The following EMC10 variants were observed in gnomAD, a reference collection of about 807,000 sequenced individuals.
EMC10 encodes ER membrane protein complex subunit 10.
EMC10 carries 40 observed loss-of-function variants against 32.2 expected under a neutral mutation model. The observed-to-expected ratio is 1.24, with a 90% CI of 0.96 to 1.61. The LOEUF (loss-of-function observed/expected upper bound fraction) is 1.61, where lower values mean the gene tolerates loss of function less well. Among genes scored for constraint, EMC10 ranks in the 40% most tolerant of loss-of-function variants. The pLI is 0.00. For missense variants in EMC10, 402 were observed against 357.7 expected (o/e 1.12, Z -1.00); for synonymous variants, 178 against 158.4 (o/e 1.12, Z -0.93).
At chr19:50,477,884 A>G (rs2040253548) in intron 1 of EMC10, 45 bp from the exon 2 acceptor site, 1 of 1,531,172 alleles carries the variant, frequency 6.5e-7, no homozygotes, top group Non-Finnish European at 8.9e-7. Flanking sequence ...TACTATGCTG[A>G]GGGCTTGGGT....
At chr19:50,479,682 G>A (rs539832814) in intron 3 of EMC10, among the ~76,000 whole-genome samples, 1 of 152,178 alleles carries the variant, frequency 6.6e-6, no homozygotes, top group Admixed American at 6.5e-5. Context: ...TGGTGGCCAC[G>A]CGGTGAGGTC....
rs1201040282 is a variant in EMC10 at position 50,484,040 on chromosome 19, TTTTTTG to T, written c.*1782_*1787del. 1.4e-5 allele frequency: 2 copies of T among 141,372 alleles called. No individual in the cohort carries two copies. Among genetic ancestry groups the T allele is most frequent in the Non-Finnish European group, 3.1e-5 (2 of 65,392 alleles). 8.8% of individuals were successfully genotyped at this position (141,372 alleles called of 1,614,324 possible). A position where few individuals can be genotyped will look rare whatever the true frequency, so the allele number is the denominator to read the frequency against. On this transcript the variant is annotated 3_prime_UTR_variant, in exon 7 of 7. Coordinates refer to ENST00000334976, the MANE Select transcript of EMC10 (RefSeq NM_206538.4). Reference sequence around the variant, plus strand: ...ATGCTTTTTTTTTTTTTTTTTTTTTTTTTTTGAGGCAGAGTCTCGCTCTGTCATCCA... The same window carrying T: ...ATGCTTTTTTTTTTTTTTTTTTTTTTAGGCAGAGTCTCGCTCTGTCATCCA...
rs901828969 is a variant in EMC10 at position 50,480,421 on chromosome 19, TC to T, written c.403-157del. 3.3e-5 allele frequency among the ~76,000 whole-genome samples: 5 copies of T among 152,154 alleles called. No individual in the cohort carries two copies. Among genetic ancestry groups the T allele is most frequent in the African/African-American group, 9.6e-5 (4 of 41,526 alleles). ...TTCATGGGGATAGCATTGTGAGGAC[TC>T]CCGGGTGGGGGGCGGTTGAACTTGG... On this transcript the variant is annotated intron_variant, in intron 4 of 6. Coordinates refer to ENST00000334976, the MANE Select transcript of EMC10 (RefSeq NM_206538.4). This position sits in a 1 kb window ranked among gnomAD's most constrained non-coding sequence, Gnocchi z 4.4.
chr19:50,480,802 C>T lies in EMC10; in HGVS notation c.584+40C>T, dbSNP rs2040307800. On this transcript the variant is annotated intron_variant, in intron 5 of 6. Transcript: ENST00000334976. The surrounding 1 kb of genome is among the most constrained non-coding windows in gnomAD (Gnocchi z 4.4). ...CCTTCGCGGCGCTCTTGCCACCTGCCCCGGCCCTTCCTGGCGGCCTCAGGG... is the reference window on the plus strand; with the variant it reads ...CCTTCGCGGCGCTCTTGCCACCTGCTCCGGCCCTTCCTGGCGGCCTCAGGG... 1 of 1,566,640 alleles carries T rather than the reference C, an allele frequency of 6.4e-7. No individual in the cohort carries two copies. The highest frequency in any genetic ancestry group is 1.4e-5 in the African/African-American group (1 of 73,764).
Position 50,489,122 on chromosome 19 carries a change from G to A in EMC10, c.*6863G>A. On this transcript the variant is annotated 3_prime_UTR_variant, in exon 7 of 7. Coordinates refer to ENST00000334976, the MANE Select transcript of EMC10 (RefSeq NM_206538.4). ...GAGAGAAGGGAAGTTAAGAAGGGAA[G>A]GAGAGAGACAGACATTAGGGAAGAA... 1 of 152,120 alleles carries A rather than the reference G, an allele frequency of 6.6e-6. No individual in the cohort carries two copies. Among genetic ancestry groups the A allele is most frequent in the Admixed American group, 6.6e-5 (1 of 15,200 alleles). 9.4% of individuals were successfully genotyped at this position (152,120 alleles called of 1,614,324 possible).
Position 50,480,787 on chromosome 19 carries a change from G to A in EMC10, c.584+25G>A, listed in dbSNP as rs548942090. The stretch of plus-strand genomic sequence containing the variant: ...GGTGAGCCTCTGCTGCCTTCGCGGC[G>A]CTCTTGCCACCTGCCCCGGCCCTTC... On this transcript the variant is annotated intron_variant, in intron 5 of 6. Coordinates refer to ENST00000334976, the MANE Select transcript of EMC10 (RefSeq NM_206538.4). The surrounding 1 kb of genome is among the most constrained non-coding windows in gnomAD (Gnocchi z 4.4). 1.8e-5 allele frequency: 28 copies of A among 1,571,088 alleles called. No individual in the cohort carries two copies. Among genetic ancestry groups the A allele is most frequent in the African/African-American group, 1.2e-4 (9 of 74,084 alleles).
Position 50,482,802 on chromosome 19 carries a change from C to A in EMC10, c.*543C>A. ...ATCAGGGGCAGAGGCATGAAAGAGT[C>A]GGGGCTGGATGGCCGGGGGCTTCTG... is the stretch of plus-strand genomic sequence containing the variant. On this transcript the variant is annotated 3_prime_UTR_variant, in exon 7 of 7. Coordinates refer to ENST00000334976, the MANE Select transcript of EMC10 (RefSeq NM_206538.4). 1 of 519,780 alleles carries A rather than the reference C, an allele frequency of 1.9e-6. No homozygotes were observed. The highest frequency in any genetic ancestry group is 3.3e-5 in the South Asian group (1 of 30,742). The allele number at this position is 519,780 out of a possible 1,614,324, so 32.2% of individuals were successfully genotyped here. A position where few individuals can be genotyped will look rare whatever the true frequency, so the allele number is the denominator to read the frequency against.
rs1250131950 is a variant in EMC10 at position 50,480,297 on chromosome 19, C to A, written c.402+82C>A. 2.9e-6 allele frequency: 4 copies of A among 1,400,060 alleles called. No homozygotes were observed. The Admixed American group carries it at 8.1e-5, about 28-fold the overall frequency. The allele number at this position is 1,400,060 out of a possible 1,614,324, so 86.7% of individuals were successfully genotyped here. A position where few individuals can be genotyped will look rare whatever the true frequency, so the allele number is the denominator to read the frequency against. On this transcript the variant is annotated intron_variant, in intron 4 of 6. Coordinates refer to ENST00000334976, the MANE Select transcript of EMC10 (RefSeq NM_206538.4). The surrounding 1 kb of genome is among the most constrained non-coding windows in gnomAD (Gnocchi z 4.4). Reference sequence around the variant, plus strand: ...TGGTCCTGCTTCCACCATTCGAACCCCTGTGTTTCTGGAGCCCGCAGAGGC... The same window carrying A: ...TGGTCCTGCTTCCACCATTCGAACCACTGTGTTTCTGGAGCCCGCAGAGGC...
intron 6 of EMC10, 166 bp downstream of exon 6, chr19:50,481,143 G>C (rs2040313765): frequency 1.6e-6 from 1 of 609,848 alleles, no homozygotes; most frequent in African/African-American, 1.9e-5. Flanking sequence ...TTTGCAGGAA[G>C]AGGGTATGGA....
intron 2 of EMC10, among the ~76,000 whole-genome samples, chr19:50,478,437 A>T (rs1280673450): frequency 6.6e-6 from 1 of 152,168 alleles, no homozygotes; most frequent in Non-Finnish European, 1.5e-5. Flanking sequence ...GCCAGCTTCA[A>T]ACCCAAACTT....
chr19:50,482,041 C>A, intron 6 of EMC10, 108 bp from the exon 7 acceptor site: 1 of 1,504,002 alleles, frequency 6.6e-7, no homozygotes, highest in Non-Finnish European at 9.3e-7. Flanking sequence ...CCTTACGCGA[C>A]CTCCCCTCAT....
chr19:50,479,314 A>T (rs767457947), intron 3 of EMC10, among the ~76,000 whole-genome samples: 3 of 152,232 alleles, frequency 2.0e-5, no homozygotes, highest in Non-Finnish European at 4.4e-5. Context: ...CTCTGCTGGC[A>T]GACCCCCTTC....
rs2040377900 is a variant in EMC10 at position 50,485,306 on chromosome 19, C to T, written c.*3047C>T. ...CTTCACCCTGGAGGTTCCAGACAGC[C>T]CCTCTTCACCAGCGATTCCCCAACT... On this transcript the variant is annotated 3_prime_UTR_variant, in exon 7 of 7. Coordinates refer to ENST00000334976, the MANE Select transcript of EMC10 (RefSeq NM_206538.4). 1 of 152,212 alleles carries T rather than the reference C, an allele frequency of 6.6e-6. No individual in the cohort carries two copies. The highest frequency in any genetic ancestry group is 2.4e-5 in the African/African-American group (1 of 41,380). 9.4% of individuals were successfully genotyped at this position (152,212 alleles called of 1,614,324 possible). A position where few individuals can be genotyped will look rare whatever the true frequency, so the allele number is the denominator to read the frequency against.
rs546960386 is a variant in EMC10, at chr19:50,477,631, G to A, written c.115-298G>A. On this transcript the variant is annotated intron_variant, in intron 1 of 6. Coordinates refer to ENST00000334976, the MANE Select transcript of EMC10 (RefSeq NM_206538.4). ...AAAAAGAAGGCTTGGGAGAGGGAGA[G>A]TGTCATTTAACTCATGAGTATTTGT... Among the ~76,000 whole-genome samples, 6 of 152,238 alleles carry A rather than the reference G, an allele frequency of 3.9e-5. No homozygotes were observed. The East Asian group carries it at 1.2e-3, about 29-fold the overall frequency.
intron 3 of EMC10, 143 bp from the exon 4 acceptor site, chr19:50,479,968 G>A (rs966355943): frequency 1.5e-6 from 1 of 658,976 alleles, no homozygotes; most frequent in Admixed American, 2.9e-5. Flanking sequence ...GTCCTGGGTC[G>A]ACTCAGGTTG....
At position 50,476,620 on chromosome 19, in the gene EMC10, C is replaced by T. The variant is rs775572422; in HGVS notation, c.76C>T (p.Arg26Trp). 2.6e-5 allele frequency: 41 copies of T among 1,555,200 alleles called. No individual in the cohort carries two copies. Among genetic ancestry groups the T allele is most frequent in the Non-Finnish European group, 3.4e-5 (39 of 1,156,254 alleles). Reference protein sequence around the residue: ...LMAVAAPSRARGSGCRAGTGA... With the variant: ...LMAVAAPSRAWGSGCRAGTGA... Reference sequence around the variant, plus strand: ...GGCGGTAGCAGCGCCCAGTCGAGCCCGGGGCAGCGGCTGCCGGGCCGGGAC... The same window carrying T: ...GGCGGTAGCAGCGCCCAGTCGAGCCTGGGGCAGCGGCTGCCGGGCCGGGAC... The change falls in exon 1 of 7, where the codon CGG becomes TGG. Residue 26 changes from arginine (R) to tryptophan (W), a missense_variant. By Grantham distance (101) the Arg-to-Trp change is moderately radical (BLOSUM62 -3). Transcript: ENST00000334976.
At position 50,483,996 on chromosome 19, in the gene EMC10, A is replaced by T; in HGVS notation, c.*1737A>T. 1 of 108,994 alleles carries T rather than the reference A, an allele frequency of 9.2e-6. No individual in the cohort carries two copies. The highest frequency in any genetic ancestry group is 9.9e-5 in the Admixed American group (1 of 10,080). 6.8% of individuals were successfully genotyped at this position (108,994 alleles called of 1,614,324 possible). ...TCCTGCTTCATTCTTTTCCTAGAGG[A>T]TTCCAGAAATATTTACTAATGCTTT... On this transcript the variant is annotated 3_prime_UTR_variant, in exon 7 of 7. Coordinates refer to ENST00000334976, the MANE Select transcript of EMC10 (RefSeq NM_206538.4).
At chr19:50,479,234 C>T (rs999774237) in intron 3 of EMC10, among the ~76,000 whole-genome samples, 168 bp downstream of exon 3, 4 of 152,224 alleles carry the variant, frequency 2.6e-5, no homozygotes, top group Admixed American at 6.5e-5. Context: ...CCTGGAGGAA[C>T]GGCATTGCAG....
chr19:50,481,122 G>T, intron 6 of EMC10, 145 bp downstream of exon 6: 1 of 639,576 alleles, frequency 1.6e-6, no homozygotes, highest in Non-Finnish European at 2.8e-6. Context: ...TGGTACCTGG[G>T]CTGAGGCTTG....
Sources: allele counts gnomAD v4.1 joint callset (sites outside exome capture counted in the v4.1 genomes callset), GRCh38; gene constraint gnomAD v4.1.1; non-coding constraint Gnocchi (gnomAD v3.1); transcripts MANE v1.5; gene names NCBI Gene and HGNC (gene_info 2026-07-23, HGNC 2026-07-21).